ZNF676: variants seen among roughly 807,000 people sequenced by gnomAD.
ZNF676 encodes zinc finger protein 676.
ZNF676 carries 4 observed loss-of-function variants against 6.0 expected under a neutral mutation model. The ratio of observed to expected loss-of-function variants is 0.67; its 90% CI spans 0.33 to 1.53. The LOEUF is 1.53. Among genes scored for constraint, ZNF676 ranks in the 40% most tolerant of loss-of-function variants. The pLI, the probability that ZNF676 is intolerant of heterozygous loss-of-function variation, is 0.06. For missense variants in ZNF676, 644 were observed against 679.7 expected (o/e 0.95, Z 0.58); for synonymous variants, 198 against 223.1 (o/e 0.89, Z 1.00).
Position 22,179,852 on chromosome 19 carries a change from C to A in ZNF676, c.*98G>T. On this transcript the variant is annotated 3_prime_UTR_variant, in exon 3 of 3. Coordinates refer to ENST00000397121, the MANE Select transcript of ZNF676 (RefSeq NM_001001411.3). Reference sequence around the variant, plus strand: ...ATTGAGGACTGTTTAAAAGCTTTGCCACATTCTTCACCTTTGTAGATTTTC... The same window carrying A: ...ATTGAGGACTGTTTAAAAGCTTTGCAACATTCTTCACCTTTGTAGATTTTC... 1 of 1,369,308 alleles carries A rather than the reference C, an allele frequency of 7.3e-7. No individual in the cohort carries two copies. The highest frequency in any genetic ancestry group is 1.9e-5 in the Admixed American group (1 of 53,926). 84.8% of individuals were successfully genotyped at this position (1,369,308 alleles called of 1,614,324 possible). A position where few individuals can be genotyped will look rare whatever the true frequency, so the allele number is the denominator to read the frequency against.
At chr19:22,209,115 A>C (rs1030600102) in intron 1 of ZNF676, among the ~76,000 whole-genome samples, 17 of 152,084 alleles carry the variant, frequency 1.1e-4, no homozygotes, top group Non-Finnish European at 2.4e-4. Flanking sequence ...AAATACAAAA[A>C]TTAGCTGAGT....
intron 2 of ZNF676, among the ~76,000 whole-genome samples, chr19:22,183,419 C>A (rs771640223): frequency 5.3e-5 from 8 of 152,144 alleles, no homozygotes; most frequent in Non-Finnish European, 1.0e-4. Context: ...CTCACCGTAA[C>A]CTCTGCCACC....
the ZNF676 span, among the ~76,000 whole-genome samples, chr19:22,235,576 C>T: frequency 1.3e-5 from 2 of 152,142 alleles, no homozygotes; most frequent in African/African-American, 2.4e-5. Context: ...CTAGAAGGTC[C>T]CTAAATTTTA....
chr19:22,201,379 T>C (rs1373254684), upstream of ZNF676, among the ~76,000 whole-genome samples: 1 of 152,216 alleles, frequency 6.6e-6, no homozygotes, highest in Admixed American at 6.5e-5. Context: ...TATCTCACAA[T>C]GCAGAAAATG....
At chr19:22,218,751 T>G (rs140765778), upstream of ZNF676, among the ~76,000 whole-genome samples, 3 of 152,176 alleles carry the variant, frequency 2.0e-5, 1 homozygote, top group South Asian at 6.2e-4. Context: ...GTTTACTTTG[T>G]CAAAGATCAG....
intron 1 of ZNF676, among the ~76,000 whole-genome samples, chr19:22,213,529 T>C (rs1376083138): frequency 2.0e-5 from 3 of 152,146 alleles, no homozygotes; most frequent in Non-Finnish European, 4.4e-5. Flanking sequence ...AAAGGCTACA[T>C]TCCATACCTC....
chr19:22,258,923 C>G, the ZNF676 span, among the ~76,000 whole-genome samples: 2 of 152,120 alleles, frequency 1.3e-5, no homozygotes, highest in Non-Finnish European at 2.9e-5. Flanking sequence ...TGCACATGTT[C>G]AGGAGTTACA....
At chr19:22,238,043 C>T in the ZNF676 span, among the ~76,000 whole-genome samples, 16 of 152,114 alleles carry the variant, frequency 1.1e-4, no homozygotes, top group South Asian at 6.2e-4. Context: ...AGATAGAATG[C>T]CTGAGTTCAT....
At chr19:22,254,885 T>C in the ZNF676 span, among the ~76,000 whole-genome samples, 1 of 152,196 alleles carries the variant, frequency 6.6e-6, no homozygotes, top group Non-Finnish European at 1.5e-5. Flanking sequence ...TTCAGTGATA[T>C]GCCACAATTT....
chr19:22,205,546 A>G lies in ZNF676; in HGVS notation c.4-8820T>C, dbSNP rs78962072. Among the ~76,000 whole-genome samples, 314 of 152,306 alleles carry G rather than the reference A, an allele frequency of 2.1e-3. 2 individuals carry two copies. Among genetic ancestry groups the G allele is most frequent in the African/African-American group, 6.8e-3 (281 of 41,572 alleles). On this transcript the variant is annotated intron_variant, in intron 1 of 3. Coordinates refer to the ZNF676 transcript ENST00000650058. ...ATTAAATAAAAATTAAATGGCCTAC[A>G]CTTGAATAACTTTTTTGGTAAATAA...
At chr19:22,260,137 C>T in the ZNF676 span, among the ~76,000 whole-genome samples, 2 of 152,142 alleles carry the variant, frequency 1.3e-5, no homozygotes, top group Non-Finnish European at 2.9e-5. Flanking sequence ...CGGCCAGATT[C>T]CCCAAAGTCA....
rs1156963536 is a variant in ZNF676 at position 22,181,055 on chromosome 19, C to A, written c.662G>T (p.Gly221Val). The A allele has an allele frequency of 1.3e-6, 2 of 1,569,702 alleles. No homozygotes were observed. Among genetic ancestry groups the A allele is most frequent in the Non-Finnish European group, 1.7e-6 (2 of 1,151,132 alleles). Residue 221 changes from glycine (G) to valine (V), a missense_variant, in exon 3 of 3, where the codon GGA (glycine) becomes GTA (valine). By Grantham distance (109) the Gly-to-Val change is moderately radical (BLOSUM62 -3). Coordinates refer to ENST00000397121, the MANE Select transcript of ZNF676 (RefSeq NM_001001411.3). ...ILTKHKVIHT[G>V]EKPYKCEECG... ...TTCTTCACATTTGTAGGGTTTCTCT[C>A]CAGTATGAATTACCTTATGTTTAGT...
chr19:22,198,179 A>G (rs943375199), upstream of ZNF676, among the ~76,000 whole-genome samples: 3 of 151,866 alleles, frequency 2.0e-5, no homozygotes, highest in African/African-American at 7.3e-5. Flanking sequence ...TTCACTAAAA[A>G]CCCCAGGTTT....
At chr19:22,221,113 T>C in the ZNF676 span, among the ~76,000 whole-genome samples, 1 of 151,928 alleles carries the variant, frequency 6.6e-6, no homozygotes, top group Non-Finnish European at 1.5e-5. Context: ...TCCTGCTGGG[T>C]TTGGGTTTGG....
In ZNF676 at chr19:22,180,113, C is replaced by T; in HGVS notation, c.1604G>A (p.Cys535Tyr). ...IIHTGEKPYK[C>Y]EECGKAFSRS... ...GCTGAAGGCTTTGCCACATTCTTCA[C>T]ATTTGTAGGGTTTCTCTCCAGTATG... is the stretch of plus-strand genomic sequence containing the variant. The change falls in exon 3 of 3, where the codon TGT (cysteine) becomes TAT (tyrosine). Residue 535 changes from cysteine to tyrosine, a missense_variant. This residue lies in a region of ZNF676 where 306 missense variants were observed against 265.4 expected (regional missense o/e 1.15). Coordinates refer to ENST00000397121, the MANE Select transcript of ZNF676 (RefSeq NM_001001411.3). 1 of 1,613,826 alleles carries T rather than the reference C, an allele frequency of 6.2e-7. No homozygotes were observed. The highest frequency in any genetic ancestry group is 8.5e-7 in the Non-Finnish European group (1 of 1,179,942).
chr19:22,199,647 C>T (rs893743446), upstream of ZNF676, among the ~76,000 whole-genome samples: 8 of 152,010 alleles, frequency 5.3e-5, no homozygotes, highest in African/African-American at 1.9e-4. Context: ...AGAATAAAAG[C>T]TAACTATAGA....
At chr19:22,233,813 C>T in the ZNF676 span, among the ~76,000 whole-genome samples, 2 of 152,196 alleles carry the variant, frequency 1.3e-5, no homozygotes, top group Non-Finnish European at 1.5e-5. Flanking sequence ...GGGAAAGATG[C>T]TGAGTGATGT....
the ZNF676 span, among the ~76,000 whole-genome samples, chr19:22,229,054 AC>A: frequency 6.6e-6 from 1 of 152,160 alleles, no homozygotes; most frequent in African/African-American, 2.4e-5. Flanking sequence ...ACAATCCTAA[AC>A]AAAAAGAACA....
At chr19:22,231,938 A>T in the ZNF676 span, among the ~76,000 whole-genome samples, 1 of 152,212 alleles carries the variant, frequency 6.6e-6, no homozygotes, top group East Asian at 1.9e-4. Context: ...CATATTTTAT[A>T]AAATGTTTTT....
Sources: gnomAD v4.1 joint callset for allele counts (sites outside exome capture counted in the v4.1 genomes callset) on GRCh38, gnomAD v4.1.1 for gene constraint, gnomAD v4.1.1 regional missense constraint, MANE v1.5 for transcripts, NCBI Gene and HGNC (gene_info 2026-07-23, HGNC 2026-07-21) for gene names.